Variants in NRG3 observed in about 807,000 individuals in gnomAD.
The protein encoded by NRG3 is neuregulin 3.
Under a neutral mutation model 66.9 loss-of-function variants are expected in NRG3, and 31 were observed. The observed-to-expected ratio is 0.46, with a 90% CI of 0.35 to 0.63. NRG3 has a LOEUF of 0.63. Ranked by LOEUF, NRG3 falls within the 20% of genes least tolerant of loss-of-function variation. The pLI, the probability that NRG3 is intolerant of heterozygous loss-of-function variation, is 0.00. For synonymous variants in NRG3, 393 were observed against 359.4 expected, an observed-to-expected ratio of 1.09 and a Z score of -1.06; for missense variants, 910 against 878.9, an observed-to-expected ratio of 1.04 and a Z score of -0.45.
chr10:82,220,374 C>CAGGAGTGAA (rs2075884552), intron 1 of NRG3, among the ~76,000 whole-genome samples: 1 of 152,030 alleles, frequency 6.6e-6, no homozygotes, highest in Non-Finnish European at 1.5e-5. Flanking sequence ...CAGCTGGGGA[C>CAGGAGTGAA]AGGAGTGAAA....
chr10:81,984,075 A>G (rs1279152970), intron 1 of NRG3, among the ~76,000 whole-genome samples: 1 of 152,206 alleles, frequency 6.6e-6, no homozygotes, highest in Non-Finnish European at 1.5e-5. Flanking sequence ...AAGCTAAGGA[A>G]TATAGGCAGC....
chr10:82,229,698 AACTC>A (rs2076355752), intron 1 of NRG3, among the ~76,000 whole-genome samples: 1 of 152,184 alleles, frequency 6.6e-6, no homozygotes, highest in African/African-American at 2.4e-5. Flanking sequence ...ATCTTGTGAG[AACTC>A]ACTCAGTAGC....
intron 3 of NRG3, among the ~76,000 whole-genome samples, chr10:82,764,565 G>T (rs1428714379): frequency 2.0e-5 from 3 of 151,662 alleles, no homozygotes; most frequent in African/African-American, 7.3e-5. Flanking sequence ...GCTTCACCAT[G>T]TTGGCCAGGC....
chr10:81,912,050 A>G (rs1845221251), intron 1 of NRG3, among the ~76,000 whole-genome samples: 1 of 152,180 alleles, frequency 6.6e-6, no homozygotes, highest in Non-Finnish European at 1.5e-5. Context: ...GAAAAAAACA[A>G]TCACCGTTAG....
At chr10:82,123,880 T>G (rs2132402852) in intron 1 of NRG3, among the ~76,000 whole-genome samples, 1 of 152,154 alleles carries the variant, frequency 6.6e-6, no homozygotes, top group Non-Finnish European at 1.5e-5. Context: ...GTTTCTTCCT[T>G]GCTTTGCTCC....
At chr10:82,464,889 A>C (rs997359701) in intron 2 of NRG3, among the ~76,000 whole-genome samples, 1 of 152,216 alleles carries the variant, frequency 6.6e-6, no homozygotes, top group Non-Finnish European at 1.5e-5. Context: ...AGCTTCCAGC[A>C]GGCAAGTGCA....
chr10:81,980,812 T>A (rs565339554), intron 1 of NRG3, among the ~76,000 whole-genome samples: 2 of 152,352 alleles, frequency 1.3e-5, no homozygotes, highest in East Asian at 3.9e-4. Flanking sequence ...GGCCTGCAGA[T>A]GGCCACCTTC....
At chr10:82,849,138 A>C (rs2063445926) in intron 3 of NRG3, among the ~76,000 whole-genome samples, 1 of 152,166 alleles carries the variant, frequency 6.6e-6, no homozygotes, top group Non-Finnish European at 1.5e-5. Flanking sequence ...TGATATCCTT[A>C]TCAAAAGGGG....
intron 2 of NRG3, among the ~76,000 whole-genome samples, chr10:82,691,203 C>A (rs2054899037): frequency 6.6e-6 from 1 of 152,126 alleles, no homozygotes. Context: ...AAATGTCCCC[C>A]AAGTCCCTAC....
In NRG3 at chr10:82,945,378, A is replaced by G. The variant is rs561098586; in HGVS notation, c.1055-6091A>G. 4.6e-5 allele frequency among the ~76,000 whole-genome samples: 7 copies of G among 152,306 alleles called. No individual in the cohort carries two copies. In the East Asian group the frequency reaches 1.4e-3, roughly 29 times the overall value. ...GTGAAAAGGACTTTGTGAGTGCAGA[A>G]TCACAGTGAGGAGACCAAGGTTGGA... is the stretch of plus-strand genomic sequence containing the variant. On this transcript the variant is annotated intron_variant, in intron 4 of 8. Coordinates refer to ENST00000372141, the MANE Select transcript of NRG3 (RefSeq NM_001010848.4).
chr10:81,878,266 T>A (rs138481850), intron 1 of NRG3, among the ~76,000 whole-genome samples: 108 of 152,298 alleles, frequency 7.1e-4, no homozygotes, highest in Middle Eastern at 3.4e-3. Context: ...TTTGTTGTAT[T>A]TGTATCTTAG....
intron 2 of NRG3, among the ~76,000 whole-genome samples, chr10:82,429,195 T>A (rs1266709450): frequency 1.3e-5 from 2 of 152,054 alleles, no homozygotes; most frequent in Non-Finnish European, 2.9e-5. Context: ...TTTATCCTTA[T>A]TGCTTGATAC....
At chr10:82,151,017 G>A (rs191947847) in intron 1 of NRG3, among the ~76,000 whole-genome samples, 1 of 152,310 alleles carries the variant, frequency 6.6e-6, no homozygotes, top group East Asian at 1.9e-4. Flanking sequence ...AGCCTGGATA[G>A]GATTTTCAAT....
intron 2 of NRG3, among the ~76,000 whole-genome samples, chr10:82,699,688 C>T (rs1356387779): frequency 6.6e-6 from 1 of 152,114 alleles, no homozygotes. Flanking sequence ...GACTGTCTCT[C>T]TTATTTTAGC....
At chr10:82,386,328 A>G (rs2085985617) in intron 2 of NRG3, among the ~76,000 whole-genome samples, 1 of 152,140 alleles carries the variant, frequency 6.6e-6, no homozygotes, top group Non-Finnish European at 1.5e-5. Context: ...TTTATGCAAG[A>G]AGATAAATAA....
At chr10:81,988,516 C>T (rs1410297817) in intron 1 of NRG3, among the ~76,000 whole-genome samples, 1 of 152,112 alleles carries the variant, frequency 6.6e-6, no homozygotes, top group African/African-American at 2.4e-5. Flanking sequence ...GAAGCTTTGT[C>T]CAGTCCCTCT....
intron 3 of NRG3, among the ~76,000 whole-genome samples, chr10:82,819,376 A>G (rs2061850135): frequency 6.6e-6 from 1 of 152,232 alleles, no homozygotes; most frequent in Non-Finnish European, 1.5e-5. Flanking sequence ...TGGTGCTAGG[A>G]GACCTGATAG....
intron 4 of NRG3, among the ~76,000 whole-genome samples, chr10:82,891,663 A>G (rs186677133): frequency 6.6e-6 from 1 of 152,184 alleles, no homozygotes; most frequent in African/African-American, 2.4e-5. Flanking sequence ...TACTTATTAC[A>G]CATAATAATT....
chr10:82,149,230 C>T (rs1019945340), intron 1 of NRG3, among the ~76,000 whole-genome samples: 7 of 152,040 alleles, frequency 4.6e-5, no homozygotes, highest in African/African-American at 1.4e-4. Flanking sequence ...AAGTTATTAT[C>T]CCCAGTTGTT....
Sources: gnomAD v4.1 joint callset for allele counts (sites outside exome capture counted in the v4.1 genomes callset) on GRCh38, gnomAD v4.1.1 for gene constraint, MANE v1.5 for transcripts, NCBI Gene and HGNC (gene_info 2026-07-23, HGNC 2026-07-21) for gene names.